Variants in TPH2 observed in about 807,000 individuals in gnomAD.
The protein encoded by TPH2 is tryptophan 5-hydroxylase 2.
TPH2 carries 27 observed loss-of-function variants against 59.1 expected under a neutral mutation model. The ratio of observed to expected loss-of-function variants is 0.46; its 90% CI spans 0.34 to 0.63. TPH2 has a LOEUF of 0.63. TPH2 is among the 30% of genes least tolerant of loss of function. The probability of loss-of-function intolerance (pLI) is 0.01; values close to 1 mark genes in which losing one functional copy is unlikely to be tolerated. For synonymous variants in TPH2, 220 were observed against 210.5 expected (o/e 1.05, Z -0.39); for missense variants, 523 against 588.3 (o/e 0.89, Z 1.15).
At chr12:71,962,243 TGTGA>T in intron 5 of TPH2, 1 of 985,516 alleles carries the variant, frequency 1.0e-6, no homozygotes, top group Non-Finnish European at 1.2e-6. Context: ...TGTACTGATT[TGTGA>T]GTTTTTGTTT....
intron 9 of TPH2, among the ~76,000 whole-genome samples, chr12:72,028,386 T>C (rs115480540): frequency 0.023 from 3,450 of 152,188 alleles, 144 homozygotes; most frequent in African/African-American, 0.079. Flanking sequence ...GAGAGAGACC[T>C]GGATAGAAAA....
chr12:71,972,965 A>C (rs1174688988), intron 6 of TPH2, among the ~76,000 whole-genome samples: 1 of 152,076 alleles, frequency 6.6e-6, no homozygotes, highest in Non-Finnish European at 1.5e-5. Context: ...CCCAAAGGAT[A>C]TTTGCAAGTT....
chr12:72,031,168 G>A (rs1334254979), intron 9 of TPH2, 90 bp from the exon 10 acceptor site: 19 of 1,542,724 alleles, frequency 1.2e-5, no homozygotes, highest in Middle Eastern at 1.7e-4. Context: ...TAGGATTACC[G>A]AGCTATCAAA....
At chr12:71,984,462 C>G (rs1872373616) in intron 7 of TPH2, among the ~76,000 whole-genome samples, 2 of 152,258 alleles carry the variant, frequency 1.3e-5, no homozygotes. Context: ...AACTTTTCCT[C>G]CTTGTTCCCA....
intron 7 of TPH2, 93 bp downstream of exon 7, chr12:71,979,180 A>C: frequency 1.9e-6 from 3 of 1,541,212 alleles, no homozygotes; most frequent in Non-Finnish European, 2.7e-6. Context: ...TTTACCTCCA[A>C]ACTAATTTCC....
At chr12:71,998,736 T>C (rs2139225458) in intron 8 of TPH2, among the ~76,000 whole-genome samples, 1 of 152,082 alleles carries the variant, frequency 6.6e-6, no homozygotes, top group East Asian at 1.9e-4. Flanking sequence ...GAAATAGAGG[T>C]ATTATTAGCT....
intron 5 of TPH2, among the ~76,000 whole-genome samples, chr12:71,970,736 G>A (rs1335346663): frequency 6.6e-6 from 1 of 152,172 alleles, no homozygotes; most frequent in African/African-American, 2.4e-5. Flanking sequence ...CAGGTGTGAG[G>A]TCTTAGAAGC....
chr12:72,013,879 C>G (rs1025235461), intron 8 of TPH2, among the ~76,000 whole-genome samples: 3 of 151,640 alleles, frequency 2.0e-5, no homozygotes, highest in Non-Finnish European at 4.4e-5. Context: ...TTTTTACACT[C>G]TAGCTGGGGT....
intron 8 of TPH2, among the ~76,000 whole-genome samples, chr12:72,010,541 G>A (rs1460287437): frequency 6.6e-6 from 1 of 152,124 alleles, no homozygotes; most frequent in Admixed American, 6.5e-5. Flanking sequence ...TCAGTGCAAT[G>A]GAGTGGCAAG....
chr12:72,031,465 T>G (rs1301438937), intron 10 of TPH2, 56 bp from the exon 11 acceptor site: 1 of 1,612,208 alleles, frequency 6.2e-7, no homozygotes. Context: ...CTTTTATCTA[T>G]CCCTCGTACC....
Position 72,032,008 on chromosome 12 carries a change from C to G in TPH2, c.*313C>G. On this transcript the variant is annotated 3_prime_UTR_variant, in exon 11 of 11. Transcript: ENST00000333850. ...TGTAACAAATAGCCCTCTTATGAGT[C>G]TCATTTATGCCCTTTTCTTTTTCAG... The G allele has an allele frequency of 2.7e-6, 1 of 370,134 alleles. No individual in the cohort carries two copies. The highest frequency in any genetic ancestry group is 3.9e-5 in the Admixed American group (1 of 25,818). The allele number at this position is 370,134 out of a possible 1,614,324, so 22.9% of individuals were successfully genotyped here.
At chr12:71,945,407 G>A (rs1459679659) in intron 4 of TPH2, among the ~76,000 whole-genome samples, 1 of 152,050 alleles carries the variant, frequency 6.6e-6, no homozygotes, top group Non-Finnish European at 1.5e-5. Flanking sequence ...AGTAAGCAAT[G>A]CACCCATTCA....
chr12:71,999,103 T>C (rs1052552030), intron 8 of TPH2, among the ~76,000 whole-genome samples: 36 of 152,310 alleles, frequency 2.4e-4, no homozygotes, highest in Non-Finnish European at 4.9e-4. Flanking sequence ...ACCGCCAAAC[T>C]CTTTGTCCAA....
intron 8 of TPH2, among the ~76,000 whole-genome samples, chr12:72,008,514 C>T (rs986517751): frequency 2.0e-5 from 3 of 152,174 alleles, no homozygotes; most frequent in Non-Finnish European, 2.9e-5. Context: ...TCATGTGAGT[C>T]TCACAATGGC....
intron 8 of TPH2, among the ~76,000 whole-genome samples, chr12:72,003,290 C>T (rs1872872266): frequency 6.6e-6 from 1 of 152,132 alleles, no homozygotes; most frequent in Admixed American, 6.6e-5. Flanking sequence ...TCATTTTATA[C>T]AAAGCTGACA....
chr12:71,983,659 G>A (rs1872349920), intron 7 of TPH2, among the ~76,000 whole-genome samples: 1 of 152,134 alleles, frequency 6.6e-6, no homozygotes, highest in African/African-American at 2.4e-5. Flanking sequence ...TAGGCAGAGA[G>A]GGTGCAGTGT....
intron 8 of TPH2, among the ~76,000 whole-genome samples, chr12:72,004,149 A>C (rs973160750): frequency 6.6e-6 from 1 of 150,422 alleles, no homozygotes; most frequent in Non-Finnish European, 1.5e-5. Context: ...GTGTGGTGCA[A>C]TGTGGTGAAA....
intron 7 of TPH2, among the ~76,000 whole-genome samples, chr12:71,994,150 G>A (rs1872639650): frequency 6.6e-6 from 1 of 152,148 alleles, no homozygotes. Context: ...AAGATATAAA[G>A]CATACAATAA....
chr12:71,977,395 A>T (rs1872150981), intron 6 of TPH2, among the ~76,000 whole-genome samples: 1 of 152,146 alleles, frequency 6.6e-6, no homozygotes, highest in Non-Finnish European at 1.5e-5. Context: ...ACTGTAGTTA[A>T]TAATATCATA....
Sources: allele counts gnomAD v4.1 joint callset (sites outside exome capture counted in the v4.1 genomes callset), GRCh38; gene constraint gnomAD v4.1.1; transcripts MANE v1.5; gene names NCBI Gene and HGNC (gene_info 2026-07-23, HGNC 2026-07-21).